HS3ST4: variants seen among roughly 807,000 people sequenced by gnomAD.
HS3ST4 encodes heparan sulfate glucosamine 3-O-sulfotransferase 4.
In HS3ST4, 17 loss-of-function variants were observed where a neutral mutation model predicts 29.2. That is an observed-to-expected ratio of 0.58 (90% CI 0.40 to 0.87). The LOEUF (loss-of-function observed/expected upper bound fraction) is 0.87, where lower values mean the gene tolerates loss of function less well. Among genes scored for constraint, HS3ST4 ranks in the 40% least tolerant of loss-of-function variants. The pLI is 0.00. For synonymous variants in HS3ST4, 314 were observed against 285.7 expected (o/e 1.10, Z -1.00); for missense variants, 627 against 634.5 (o/e 0.99, Z 0.13).
chr16:26,057,985 A>G (rs1898429925), intron 1 of HS3ST4, among the ~76,000 whole-genome samples: 1 of 150,692 alleles, frequency 6.6e-6, no homozygotes, highest in African/African-American at 2.5e-5. Context: ...GTGAGAGAGA[A>G]TTAAAATCGA....
chr16:26,011,354 G>A (rs547329113), intron 1 of HS3ST4, among the ~76,000 whole-genome samples: 50 of 151,878 alleles, frequency 3.3e-4, no homozygotes, highest in African/African-American at 1.1e-3. Flanking sequence ...GAGGTCAGGC[G>A]TTTGAGACCA....
chr16:25,693,606 T>G (rs952182424), intron 1 of HS3ST4, among the ~76,000 whole-genome samples: 1 of 152,174 alleles, frequency 6.6e-6, no homozygotes, highest in Non-Finnish European at 1.5e-5. Flanking sequence ...CGCATTTGCG[T>G]GGCTGGAATT....
intron 1 of HS3ST4, among the ~76,000 whole-genome samples, chr16:25,761,688 A>T (rs1051670530): frequency 2.0e-5 from 3 of 152,200 alleles, no homozygotes; most frequent in African/African-American, 4.8e-5. Flanking sequence ...GTGCACACTC[A>T]TTCATCCAAC....
intron 1 of HS3ST4, among the ~76,000 whole-genome samples, chr16:26,081,138 T>C (rs1296797888): frequency 6.6e-6 from 1 of 151,910 alleles, no homozygotes; most frequent in Non-Finnish European, 1.5e-5. Context: ...AATACAAAAA[T>C]TAGCTGGACA....
In HS3ST4 at chr16:25,899,769, A is replaced by G. The variant is rs574511607; in HGVS notation, c.734+206618A>G. Among the ~76,000 whole-genome samples the G allele has an allele frequency of 1.4e-4, 7 of 51,606 alleles. No homozygotes were observed. The East Asian group carries it at 2.8e-3, about 21-fold the overall frequency. 33.9% of individuals were successfully genotyped at this position (51,606 alleles called of 152,430 possible). On this transcript the variant is annotated intron_variant, in intron 1 of 1. Coordinates refer to ENST00000331351, the MANE Select transcript of HS3ST4 (RefSeq NM_006040.3). ...AAAAGGTGTTTTGCTTCTTAGGGGT[A>G]AGGAAAACATGGCAAAAACCCCATG...
chr16:25,840,544 G>C lies in HS3ST4; in HGVS notation c.734+147393G>C, dbSNP rs73513355. Among the ~76,000 whole-genome samples, 617 of 152,302 alleles carry C rather than the reference G, an allele frequency of 4.1e-3. 3 individuals are homozygous for C. Among genetic ancestry groups the C allele is most frequent in the African/African-American group, 0.014 (581 of 41,554 alleles). ...AGTGTTTCTATGCAAATAGTTCTTA[G>C]ATACTATCATATTATGATGGTAAAG... On this transcript the variant is annotated intron_variant, in intron 1 of 1. Transcript: ENST00000331351.
At chr16:26,014,547 A>C (rs1258712807) in intron 1 of HS3ST4, among the ~76,000 whole-genome samples, 1 of 151,956 alleles carries the variant, frequency 6.6e-6, no homozygotes, top group African/African-American at 2.4e-5. Context: ...CTTTGTGTCC[A>C]TGTGTATTCA....
At chr16:26,059,455 G>A (rs1247472866) in intron 1 of HS3ST4, among the ~76,000 whole-genome samples, 2 of 152,178 alleles carry the variant, frequency 1.3e-5, no homozygotes, top group Non-Finnish European at 2.9e-5. Flanking sequence ...AAATAAAGTA[G>A]GGCGGAGAGG....
chr16:26,040,503 T>C (rs992219528), intron 1 of HS3ST4, among the ~76,000 whole-genome samples: 3 of 151,812 alleles, frequency 2.0e-5, no homozygotes, highest in African/African-American at 7.3e-5. Context: ...TGGGGTTTCA[T>C]CATGTTGGCC....
intron 1 of HS3ST4, among the ~76,000 whole-genome samples, chr16:25,922,598 T>C (rs969342966): frequency 6.6e-6 from 1 of 152,252 alleles, no homozygotes; most frequent in Non-Finnish European, 1.5e-5. Context: ...TCAACAGATA[T>C]TTGTTGAGCA....
At chr16:25,850,319 A>G (rs928582483) in intron 1 of HS3ST4, among the ~76,000 whole-genome samples, 1 of 152,088 alleles carries the variant, frequency 6.6e-6, no homozygotes, top group Non-Finnish European at 1.5e-5. Flanking sequence ...TTGTAGCATC[A>G]AATGTTTGAA....
chr16:25,930,249 G>A (rs541873199), intron 1 of HS3ST4, among the ~76,000 whole-genome samples: 4 of 152,186 alleles, frequency 2.6e-5, no homozygotes, highest in Non-Finnish European at 4.4e-5. Flanking sequence ...CTGCATGGAA[G>A]TGGCCTCACC....
intron 1 of HS3ST4, among the ~76,000 whole-genome samples, chr16:26,065,186 C>T (rs955980987): frequency 6.6e-6 from 1 of 152,158 alleles, no homozygotes; most frequent in African/African-American, 2.4e-5. Flanking sequence ...ATATTCATTG[C>T]AGCACTATTC....
intron 1 of HS3ST4, among the ~76,000 whole-genome samples, chr16:26,084,266 C>A (rs1454556489): frequency 6.6e-6 from 1 of 152,288 alleles, no homozygotes; most frequent in East Asian, 1.9e-4. Flanking sequence ...TATGTTTAAT[C>A]CCTCCCTGAT....
intron 1 of HS3ST4, among the ~76,000 whole-genome samples, chr16:25,718,189 G>A (rs1279449320): frequency 6.6e-6 from 1 of 152,134 alleles, no homozygotes; most frequent in Non-Finnish European, 1.5e-5. Context: ...CACTTCCTTT[G>A]AAGAACTGTT....
At chr16:26,122,927 G>T (rs1242869865) in intron 1 of HS3ST4, among the ~76,000 whole-genome samples, 1 of 151,968 alleles carries the variant, frequency 6.6e-6, no homozygotes, top group Admixed American at 6.6e-5. Flanking sequence ...GGTGGCGGGC[G>T]CTTGTAATTC....
intron 1 of HS3ST4, among the ~76,000 whole-genome samples, chr16:25,926,885 G>C (rs1416686134): frequency 1.3e-5 from 2 of 152,066 alleles, no homozygotes; most frequent in Non-Finnish European, 2.9e-5. Flanking sequence ...TTCAGTTCGT[G>C]TTTTGGTTAG....
At chr16:25,719,665 A>G (rs569767265) in intron 1 of HS3ST4, among the ~76,000 whole-genome samples, 49 of 152,368 alleles carry the variant, frequency 3.2e-4, no homozygotes, top group Non-Finnish European at 5.9e-4. Flanking sequence ...ATATGCTAGC[A>G]TAAGAGTATG....
intron 1 of HS3ST4, among the ~76,000 whole-genome samples, chr16:25,863,923 G>T (rs774712503): frequency 1.2e-4 from 19 of 152,244 alleles, no homozygotes; most frequent in Non-Finnish European, 2.5e-4. Context: ...CTGGAGGCTG[G>T]AAGTCCAAGA....
Sources: allele counts gnomAD v4.1 joint callset (sites outside exome capture counted in the v4.1 genomes callset), GRCh38; gene constraint gnomAD v4.1.1; transcripts MANE v1.5; gene names NCBI Gene and HGNC (gene_info 2026-07-23, HGNC 2026-07-21).